Variants in MKX observed in about 807,000 individuals in gnomAD.
MKX encodes the protein mohawk homeobox.
MKX carries 13 observed loss-of-function variants against 36.0 expected under a neutral mutation model. That is an observed-to-expected ratio of 0.36 (90% CI 0.24 to 0.57). The LOEUF is 0.57. MKX is among the 20% of genes least tolerant of loss of function. The pLI, the probability that MKX is intolerant of heterozygous loss-of-function variation, is 0.79. For missense variants in MKX, 458 were observed against 456.4 expected (o/e 1.00, Z -0.03); for synonymous variants, 176 against 178.3 (o/e 0.99, Z 0.10).
intron 5 of MKX, among the ~76,000 whole-genome samples, chr10:27,686,899 C>T (rs779694365): frequency 4.6e-5 from 7 of 152,134 alleles, no homozygotes; most frequent in Non-Finnish European, 1.0e-4. Flanking sequence ...CTAATGATAC[C>T]CAGATGTCCT....
intron 5 of MKX, among the ~76,000 whole-genome samples, chr10:27,676,851 A>G (rs1836162003): frequency 6.6e-6 from 1 of 152,206 alleles, no homozygotes; most frequent in Non-Finnish European, 1.5e-5. Context: ...TGCTGCAGGA[A>G]ATGAAAGTTA....
intron 1 of MKX, among the ~76,000 whole-genome samples, chr10:27,745,215 C>T (rs1348035264): frequency 6.6e-6 from 1 of 152,112 alleles, no homozygotes. Context: ...CGGACACTTC[C>T]CCGGCAGCCC....
At chr10:27,721,020 C>G (rs1336412482) in intron 5 of MKX, among the ~76,000 whole-genome samples, 1 of 151,986 alleles carries the variant, frequency 6.6e-6, no homozygotes, top group Non-Finnish European at 1.5e-5. Flanking sequence ...TGAGAAATAT[C>G]CCAACCCTAC....
intron 5 of MKX, among the ~76,000 whole-genome samples, chr10:27,710,449 C>T (rs1836831288): frequency 6.6e-6 from 1 of 152,188 alleles, no homozygotes; most frequent in Non-Finnish European, 1.5e-5. Flanking sequence ...GAGGGACACA[C>T]TCCCCAATGT....
intron 5 of MKX, among the ~76,000 whole-genome samples, chr10:27,702,735 C>T (rs1208701518): frequency 6.6e-6 from 1 of 151,972 alleles, no homozygotes; most frequent in Non-Finnish European, 1.5e-5. Context: ...AGAAGACTTA[C>T]AGCTGAATCA....
chr10:27,685,504 T>A (rs932818630), intron 5 of MKX, among the ~76,000 whole-genome samples: 30 of 149,052 alleles, frequency 2.0e-4, no homozygotes, highest in African/African-American at 2.7e-4. Flanking sequence ...GCTGGAGTGC[T>A]GTGGCACGAT....
intron 5 of MKX, 87 bp downstream of exon 5, chr10:27,734,369 T>C (rs1303106962): frequency 8.3e-7 from 1 of 1,209,804 alleles, no homozygotes; most frequent in Non-Finnish European, 1.2e-6. Flanking sequence ...GATGTCTTTA[T>C]ACCTGTTAAA....
chr10:27,691,163 A>G (rs1256066085), intron 5 of MKX, among the ~76,000 whole-genome samples: 2 of 152,314 alleles, frequency 1.3e-5, no homozygotes, highest in East Asian at 3.9e-4. Context: ...ATGGAAAAAT[A>G]TAGGCCTCTT....
intron 5 of MKX, among the ~76,000 whole-genome samples, chr10:27,697,228 T>A (rs541101196): frequency 6.6e-6 from 1 of 152,346 alleles, no homozygotes; most frequent in South Asian, 2.1e-4. Flanking sequence ...GCCTGGCACT[T>A]AGATAGGGAA....
chr10:27,690,568 C>T (rs796655048), intron 5 of MKX, among the ~76,000 whole-genome samples: 13 of 152,294 alleles, frequency 8.5e-5, no homozygotes, highest in African/African-American at 3.1e-4. Flanking sequence ...TAGGTTTCTT[C>T]ACCTATAAAA....
chr10:27,743,642 C>G, intron 1 of MKX, 145 bp from the exon 2 acceptor site: 1 of 521,862 alleles, frequency 1.9e-6, no homozygotes, highest in South Asian at 2.8e-5. Flanking sequence ...GACCCTGCGG[C>G]TCTCCCCAGT....
chr10:27,740,123 T>C (rs1834861305), intron 3 of MKX, among the ~76,000 whole-genome samples: 1 of 152,242 alleles, frequency 6.6e-6, no homozygotes, highest in Non-Finnish European at 1.5e-5. Context: ...AATTACGTAT[T>C]CTAGTATTGA....
intron 5 of MKX, among the ~76,000 whole-genome samples, chr10:27,725,120 G>A (rs1342123469): frequency 6.6e-6 from 1 of 152,140 alleles, no homozygotes; most frequent in East Asian, 1.9e-4. Flanking sequence ...CCAAGCAACA[G>A]AGAAACTCAT....
chr10:27,743,686 G>T (rs921370379), intron 1 of MKX, 189 bp from the exon 2 acceptor site: 1 of 476,298 alleles, frequency 2.1e-6, no homozygotes, highest in African/African-American at 2.1e-5. Flanking sequence ...AGGTTCCCCG[G>T]ACAGGTACCT....
intron 5 of MKX, among the ~76,000 whole-genome samples, chr10:27,731,144 A>G (rs1479550621): frequency 2.6e-5 from 4 of 151,800 alleles, no homozygotes; most frequent in African/African-American, 7.3e-5. Flanking sequence ...AAAAAAAAAA[A>G]AAAAAAGGAA....
intron 5 of MKX, among the ~76,000 whole-genome samples, chr10:27,712,873 G>A (rs781287020): frequency 1.2e-4 from 18 of 152,156 alleles, no homozygotes; most frequent in Non-Finnish European, 2.6e-4. Flanking sequence ...AGAGCTCAAG[G>A]TGGCAGTGAG....
intron 5 of MKX, among the ~76,000 whole-genome samples, chr10:27,711,205 G>T (rs560927729): frequency 7.2e-5 from 11 of 152,116 alleles, no homozygotes; most frequent in Non-Finnish European, 1.5e-4. Context: ...CCACCAACAA[G>T]AAGAGAAGCT....
chr10:27,678,368 AGG>A (rs1836192341), intron 5 of MKX, among the ~76,000 whole-genome samples: 1 of 152,270 alleles, frequency 6.6e-6, no homozygotes, highest in Admixed American at 6.5e-5. Context: ...GTGAAGCAAT[AGG>A]TTATGGAGAT....
At chr10:27,679,396 G>A (rs1836212363) in intron 5 of MKX, among the ~76,000 whole-genome samples, 1 of 151,674 alleles carries the variant, frequency 6.6e-6, no homozygotes. Context: ...CACTTGGGAA[G>A]GGCCGGGGGT....
Sources: allele counts gnomAD v4.1 joint callset (sites outside exome capture counted in the v4.1 genomes callset), GRCh38; gene constraint gnomAD v4.1.1; transcripts MANE v1.5; gene names NCBI Gene and HGNC (gene_info 2026-07-23, HGNC 2026-07-21).